The following MAML3 variants were observed in gnomAD, a reference collection of about 807,000 sequenced individuals.
MAML3 encodes the protein mastermind-like protein 3.
In MAML3, 27 loss-of-function variants were observed where a neutral mutation model predicts 101.9. The ratio of observed to expected loss-of-function variants is 0.27; its 90% CI spans 0.20 to 0.37. The LOEUF (loss-of-function observed/expected upper bound fraction) is 0.37, where lower values mean the gene tolerates loss of function less well. MAML3 is among the 10% of genes least tolerant of loss of function. The pLI is 1.00. For missense variants in MAML3, 1,316 were observed against 1,444.9 expected (o/e 0.91, Z 1.45); for synonymous variants, 501 against 555.9 (o/e 0.90, Z 1.39).
At chr4:140,061,085 C>T (rs2110938281) in intron 1 of MAML3, among the ~76,000 whole-genome samples, 1 of 152,344 alleles carries the variant, frequency 6.6e-6, no homozygotes, top group East Asian at 1.9e-4. Context: ...ATGTGGACTT[C>T]TACGTGGTCC....
intron 1 of MAML3, among the ~76,000 whole-genome samples, chr4:139,982,254 G>T (rs1158469327): frequency 6.6e-6 from 1 of 152,086 alleles, no homozygotes; most frequent in Non-Finnish European, 1.5e-5. Context: ...TGCTCAGATT[G>T]TCCCAGCTTT....
At chr4:140,084,810 C>A (rs557196114) in intron 1 of MAML3, among the ~76,000 whole-genome samples, 1 of 152,266 alleles carries the variant, frequency 6.6e-6, no homozygotes, top group African/African-American at 2.4e-5. Flanking sequence ...TAACAAATGA[C>A]TTGAACACAT....
chr4:140,106,603 T>C (rs1346540468), intron 1 of MAML3, among the ~76,000 whole-genome samples: 1 of 152,240 alleles, frequency 6.6e-6, no homozygotes, highest in Non-Finnish European at 1.5e-5. Flanking sequence ...GGATTTAAAA[T>C]TGTATAGGAA....
At chr4:139,769,767 C>T (rs138099236) in intron 2 of MAML3, among the ~76,000 whole-genome samples, 286 of 152,180 alleles carry the variant, frequency 1.9e-3, no homozygotes, top group Middle Eastern at 6.8e-3. Context: ...AGGCATGTGC[C>T]ACCACATCTG....
chr4:140,106,468 T>G (rs912608248), intron 1 of MAML3, among the ~76,000 whole-genome samples: 1 of 152,230 alleles, frequency 6.6e-6, no homozygotes, highest in South Asian at 2.1e-4. Flanking sequence ...TGTGTGGGCA[T>G]GTGTGTGCAC....
At chr4:139,772,240 CAAA>C (rs1213721738) in intron 2 of MAML3, among the ~76,000 whole-genome samples, 73 of 39,256 alleles carry the variant, frequency 1.9e-3, no homozygotes, top group South Asian at 3.0e-3. Flanking sequence ...ACTCCGTTCT[CAAA>C]AAAAAAAAAA....
At chr4:140,125,589 A>G (rs146375717) in intron 1 of MAML3, among the ~76,000 whole-genome samples, 2 of 152,234 alleles carry the variant, frequency 1.3e-5, no homozygotes, top group Non-Finnish European at 2.9e-5. Context: ...CATCACTCCT[A>G]TGTAGAGGAG....
At chr4:140,113,148 G>A (rs556621974) in intron 1 of MAML3, among the ~76,000 whole-genome samples, 5 of 152,082 alleles carry the variant, frequency 3.3e-5, no homozygotes, top group South Asian at 2.1e-4. Flanking sequence ...GCATGGTGGC[G>A]GGTGCCTGTA....
intron 1 of MAML3, among the ~76,000 whole-genome samples, chr4:139,950,015 C>A (rs1733806596): frequency 6.6e-6 from 1 of 152,178 alleles, no homozygotes; most frequent in Admixed American, 6.5e-5. Context: ...TGCTTCCAGC[C>A]TGCAGATTTT....
rs767868730 is a variant in MAML3 at position 139,897,579 on chromosome 4, G to A, written c.469-6612C>T. 5.3e-5 allele frequency among the ~76,000 whole-genome samples: 8 copies of A among 152,010 alleles called. No homozygotes were observed. In the South Asian group the frequency reaches 6.2e-4, roughly 12 times the overall value. On this transcript the variant is annotated intron_variant, in intron 1 of 4. Transcript: ENST00000509479. ...TCTATGAATTTTAGTCTCATCTTCC[G>A]CCCACAATGCCACTACCCCATTCAG...
intron 1 of MAML3, among the ~76,000 whole-genome samples, chr4:140,138,353 T>C (rs1311645124): frequency 6.6e-6 from 1 of 152,202 alleles, no homozygotes; most frequent in Non-Finnish European, 1.5e-5. Flanking sequence ...AAAATGAACG[T>C]GAAAAAATCC....
chr4:140,145,715 G>A lies in MAML3; in HGVS notation c.468+7145C>T, dbSNP rs770094340. Among the ~76,000 whole-genome samples, 113 of 151,836 alleles carry A rather than the reference G, an allele frequency of 7.4e-4. 1 individual carries two copies. Among genetic ancestry groups the A allele is most frequent in the Non-Finnish European group, 7.7e-4 (52 of 67,960 alleles). Reference sequence around the variant, plus strand: ...CAAGTAGCTGGGATTATAGACATGCGCCACCACGCCCGGCTAATTTTTGTA... The same window carrying A: ...CAAGTAGCTGGGATTATAGACATGCACCACCACGCCCGGCTAATTTTTGTA... On this transcript the variant is annotated intron_variant, in intron 1 of 4. Transcript: ENST00000509479.
At position 139,781,508 on chromosome 4, in the gene MAML3, C is replaced by CATATATATATATATAT. The variant is rs10568513; in HGVS notation, c.2080-50857_2080-50842dup. ...TCTTCTAATGATCGCAGAGCATTTTCATATATATATATATATATATATAGT... is the reference window on the plus strand; with the variant it reads ...TCTTCTAATGATCGCAGAGCATTTTCATATATATATATATATATATATATATATATATATATATAGT... On this transcript the variant is annotated intron_variant, in intron 2 of 4. Coordinates refer to ENST00000509479, the MANE Select transcript of MAML3 (RefSeq NM_018717.5). 9.6e-4 allele frequency among the ~76,000 whole-genome samples: 132 copies of CATATATATATATATAT among 137,068 alleles called. 2 individuals are homozygous for CATATATATATATATAT. The highest frequency in any genetic ancestry group is 2.6e-3 in the African/African-American group (101 of 38,248). The allele number at this position is 137,068 out of a possible 152,430, so 89.9% of individuals were successfully genotyped here.
At chr4:140,050,203 G>A (rs1371521525) in intron 1 of MAML3, among the ~76,000 whole-genome samples, 1 of 151,986 alleles carries the variant, frequency 6.6e-6, no homozygotes, top group Non-Finnish European at 1.5e-5. Flanking sequence ...CTCTATTCTA[G>A]GTCTTCCCGC....
At chr4:139,865,035 G>C (rs1560818274) in intron 2 of MAML3, among the ~76,000 whole-genome samples, 3 of 139,730 alleles carry the variant, frequency 2.1e-5, no homozygotes. Context: ...TTGTGAAATG[G>C]AGACAAATTA....
At chr4:140,071,701 T>C (rs1727656447) in intron 1 of MAML3, among the ~76,000 whole-genome samples, 1 of 150,156 alleles carries the variant, frequency 6.7e-6, no homozygotes, top group Non-Finnish European at 1.5e-5. Flanking sequence ...ACATTCTCTT[T>C]CAGATCCAAT....
At chr4:140,112,529 G>C (rs1349247817) in intron 1 of MAML3, among the ~76,000 whole-genome samples, 2 of 152,234 alleles carry the variant, frequency 1.3e-5, no homozygotes, top group Non-Finnish European at 2.9e-5. Context: ...ATTGAAACTG[G>C]CTTTGCTTCT....
intron 2 of MAML3, among the ~76,000 whole-genome samples, chr4:139,753,875 G>T (rs897986516): frequency 7.9e-5 from 12 of 152,276 alleles, no homozygotes; most frequent in African/African-American, 2.9e-4. Context: ...TCAGAAGGGA[G>T]ACAAATGGAA....
chr4:140,018,424 C>T (rs966476159), intron 1 of MAML3, among the ~76,000 whole-genome samples: 1 of 152,096 alleles, frequency 6.6e-6, no homozygotes, highest in African/African-American at 2.4e-5. Context: ...AGAAAACAAT[C>T]TTGTTTATCT....
Sources: gnomAD v4.1 joint callset for allele counts (sites outside exome capture counted in the v4.1 genomes callset) on GRCh38, gnomAD v4.1.1 for gene constraint, MANE v1.5 for transcripts, NCBI Gene and HGNC (gene_info 2026-07-23, HGNC 2026-07-21) for gene names.